Variants in THADA observed in about 807,000 individuals in gnomAD.
THADA encodes the protein tRNA (32-2'-O)-methyltransferase regulator THADA.
In THADA, 213 loss-of-function variants were observed where a neutral mutation model predicts 219.8. That is an observed-to-expected ratio of 0.97 (90% CI 0.87 to 1.09). The LOEUF is 1.09. Ranked by LOEUF, THADA falls within the 50% of genes least tolerant of loss-of-function variation. THADA has a pLI of 0.00. For missense variants in THADA, 2,956 were observed against 2,311.3 expected (o/e 1.28, Z -5.72); for synonymous variants, 1,018 against 828.9 (o/e 1.23, Z -3.92).
chr2:43,364,049 C>A (rs1354812391), intron 29 of THADA, among the ~76,000 whole-genome samples: 1 of 151,994 alleles, frequency 6.6e-6, no homozygotes, highest in Non-Finnish European at 1.5e-5. Flanking sequence ...TGGTGAAACC[C>A]TGTTATCTAC....
intron 29 of THADA, 54 bp downstream of exon 29, chr2:43,397,917 C>G (rs1318828657): frequency 1.3e-6 from 2 of 1,585,228 alleles, no homozygotes; most frequent in South Asian, 1.1e-5. Flanking sequence ...ACATAAGAAA[C>G]CAAAGTTCAT....
intron 14 of THADA, among the ~76,000 whole-genome samples, chr2:43,569,691 T>C (rs1288810208): frequency 6.6e-6 from 1 of 151,064 alleles, no homozygotes; most frequent in Non-Finnish European, 1.5e-5. Context: ...ATCATTAATC[T>C]ATTAATCTAC....
intron 29 of THADA, among the ~76,000 whole-genome samples, chr2:43,383,763 C>A (rs1672305940): frequency 6.6e-6 from 1 of 152,032 alleles, no homozygotes; most frequent in Non-Finnish European, 1.5e-5. Context: ...CTGTGCCTGA[C>A]CTCAGGAAAT....
intron 22 of THADA, among the ~76,000 whole-genome samples, chr2:43,526,190 T>C (rs879367804): frequency 2.0e-5 from 3 of 152,200 alleles, no homozygotes; most frequent in Non-Finnish European, 4.4e-5. Flanking sequence ...TACAATCTCA[T>C]TGCCAATAAA....
chr2:43,293,302 G>A (rs1318953385), intron 31 of THADA, 89 bp from the exon 32 acceptor site: 42 of 1,428,644 alleles, frequency 2.9e-5, no homozygotes, highest in South Asian at 2.3e-4. Context: ...AATCCACTGC[G>A]TGAGGCCATC....
chr2:43,504,364 C>T (rs1053275831), intron 24 of THADA, among the ~76,000 whole-genome samples: 4 of 152,066 alleles, frequency 2.6e-5, no homozygotes, highest in African/African-American at 9.7e-5. Context: ...TCCCACAGTC[C>T]ACATTCTGGC....
intron 29 of THADA, among the ~76,000 whole-genome samples, chr2:43,392,317 G>A (rs1180202563): frequency 6.6e-6 from 1 of 152,048 alleles, no homozygotes; most frequent in South Asian, 2.1e-4. Flanking sequence ...AATATTAACA[G>A]AAATATATAT....
At position 43,592,388 on chromosome 2, in the gene THADA, C is replaced by T. The variant is rs1482073094; in HGVS notation, c.5G>A (p.Gly2Asp). Reference sequence around the variant, plus strand: ...TTGCATTTCTTTCTTCTTCTTTACACCCATTTTAAATAGAATTAATAGTAG... The same window carrying T: ...TTGCATTTCTTTCTTCTTCTTTACATCCATTTTAAATAGAATTAATAGTAG... Reference protein sequence around the residue: MGVKKKKEMQVA... With the variant: MDVKKKKEMQVA... The change falls in exon 2 of 38, where the codon GGT becomes GAT. Residue 2 changes from glycine (G) to aspartate (D), a missense_variant. Gly to Asp is a moderately conservative substitution (Grantham distance 94, BLOSUM62 -1). Coordinates refer to ENST00000405975, the MANE Select transcript of THADA (RefSeq NM_022065.5). 7 of 1,597,618 alleles carry T rather than the reference C, an allele frequency of 4.4e-6. No individual in the cohort carries two copies. In the African/African-American group the frequency reaches 8.0e-5, roughly 18 times the overall value.
intron 30 of THADA, among the ~76,000 whole-genome samples, chr2:43,328,448 T>C (rs950140776): frequency 6.6e-6 from 1 of 152,244 alleles, no homozygotes; most frequent in African/African-American, 2.4e-5. Flanking sequence ...CACAGCCATA[T>C]GTAGATGCTG....
intron 26 of THADA, among the ~76,000 whole-genome samples, chr2:43,460,791 T>TG (rs1373692083): frequency 6.6e-6 from 1 of 152,068 alleles, no homozygotes; most frequent in Non-Finnish European, 1.5e-5. Flanking sequence ...GCCAAACTGG[T>TG]GGGGGAGAGC....
intron 22 of THADA, among the ~76,000 whole-genome samples, chr2:43,511,982 C>T (rs13405776): frequency 0.14 from 21,366 of 152,140 alleles, 2,002 homozygotes; most frequent in African/African-American, 0.27. Context: ...CTAATTTAAA[C>T]ACTTGGCTAG....
In THADA at chr2:43,427,667, T is replaced by C. The variant is rs532132200; in HGVS notation, c.4058+433A>G. On this transcript the variant is annotated intron_variant, in intron 28 of 37. Coordinates refer to ENST00000405975, the MANE Select transcript of THADA (RefSeq NM_022065.5). ...ATAGGTTTACATATATAAAAAAATA[T>C]ATAATATGGCCGGGCGCGGTGGCTC... Among the ~76,000 whole-genome samples, 128 of 148,996 alleles carry C rather than the reference T, an allele frequency of 8.6e-4. 1 individual carries two copies. Among genetic ancestry groups the C allele is most frequent in the Admixed American group, 2.0e-3 (30 of 14,940 alleles).
chr2:43,389,719 G>C (rs1673122366), intron 29 of THADA, among the ~76,000 whole-genome samples: 1 of 152,092 alleles, frequency 6.6e-6, no homozygotes, highest in Admixed American at 6.6e-5. Context: ...CTCCATGCCT[G>C]GGCTCATACC....
At chr2:43,263,523 C>T (rs1671194111) in intron 36 of THADA, among the ~76,000 whole-genome samples, 1 of 152,072 alleles carries the variant, frequency 6.6e-6, no homozygotes, top group Admixed American at 6.6e-5. Flanking sequence ...ATCTTGTAAC[C>T]ATGAGGACAA....
intron 29 of THADA, among the ~76,000 whole-genome samples, chr2:43,377,794 C>A (rs1186753373): frequency 6.6e-6 from 1 of 152,168 alleles, no homozygotes; most frequent in Non-Finnish European, 1.5e-5. Flanking sequence ...CCAGAGACAA[C>A]TGCCTCTACC....
chr2:43,596,020 G>A lies in THADA; in HGVS notation c.-114C>T, dbSNP rs1013206234. The A allele has an allele frequency of 1.3e-5, 2 of 152,344 alleles. No homozygotes were observed. Among genetic ancestry groups the A allele is most frequent in the Non-Finnish European group, 2.9e-5 (2 of 68,112 alleles). 9.4% of individuals were successfully genotyped at this position (152,344 alleles called of 1,614,324 possible). A position where few individuals can be genotyped will look rare whatever the true frequency, so the allele number is the denominator to read the frequency against. ...TTCTACGGCGTCTCCGAGGCTCGCAGCGCGGTCCACGGTCGACTACCGGGT... is the reference window on the plus strand; with the variant it reads ...TTCTACGGCGTCTCCGAGGCTCGCAACGCGGTCCACGGTCGACTACCGGGT... On this transcript the variant is annotated 5_prime_UTR_variant, in exon 1 of 38. Coordinates refer to ENST00000405975, the MANE Select transcript of THADA (RefSeq NM_022065.5).
chr2:43,470,507 A>G (rs1478936359), intron 26 of THADA, among the ~76,000 whole-genome samples: 2 of 152,170 alleles, frequency 1.3e-5, no homozygotes, highest in South Asian at 2.1e-4. Flanking sequence ...GAATGATTAC[A>G]TAACTACATG....
chr2:43,458,639 T>C (rs1196948859), intron 26 of THADA, among the ~76,000 whole-genome samples: 1 of 152,176 alleles, frequency 6.6e-6, no homozygotes, highest in Non-Finnish European at 1.5e-5. Flanking sequence ...ATTTTCATCC[T>C]AGCCTACATC....
intron 36 of THADA, among the ~76,000 whole-genome samples, chr2:43,235,591 C>T (rs1422952659): frequency 6.6e-6 from 1 of 152,160 alleles, no homozygotes; most frequent in Non-Finnish European, 1.5e-5. Context: ...TGTACCTGGC[C>T]TCCCACCACT....
Sources: allele counts gnomAD v4.1 joint callset (sites outside exome capture counted in the v4.1 genomes callset), GRCh38; gene constraint gnomAD v4.1.1; transcripts MANE v1.5; gene names NCBI Gene and HGNC (gene_info 2026-07-23, HGNC 2026-07-21).